The following FGF12 variants were observed in gnomAD, a reference collection of about 807,000 sequenced individuals.
FGF12 encodes the protein fibroblast growth factor 12.
In FGF12, 14 loss-of-function variants were observed where a neutral mutation model predicts 23.6. The ratio of observed to expected loss-of-function variants is 0.59; its 90% confidence interval spans 0.39 to 0.93. FGF12 has a LOEUF of 0.93. Ranked by LOEUF, FGF12 falls within the 40% of genes least tolerant of loss-of-function variation. The pLI, the probability that FGF12 is intolerant of heterozygous loss-of-function variation, is 0.00. For missense variants in FGF12, 175 were observed against 217.8 expected (o/e 0.80, Z 1.24); for synonymous variants, 62 against 77.3 (o/e 0.80, Z 1.04).
chr3:192,599,241 C>T (rs1182927367), intron 2 of FGF12, among the ~76,000 whole-genome samples: 1 of 103,476 alleles, frequency 9.7e-6, no homozygotes, highest in African/African-American at 4.8e-5. Context: ...CACACGTACC[C>T]CAGAACTTGA....
chr3:192,352,744 T>C (rs1323022175), intron 3 of FGF12, among the ~76,000 whole-genome samples: 1 of 152,224 alleles, frequency 6.6e-6, no homozygotes, highest in Non-Finnish European at 1.5e-5. Context: ...CCCTATGATC[T>C]AAATATTATT....
rs548990765 is a variant in FGF12, at chr3:192,368,050, G to A, written c.14-7512C>T. On this transcript the variant is annotated intron_variant, in intron 2 of 5. Coordinates refer to ENST00000445105, the MANE Select transcript of FGF12 (RefSeq NM_004113.6). ...GCCTTTGTGACAGTTATTCTTCTGG[G>A]CAAAAGGGATAATCGGTGCATGCTA... Among the ~76,000 whole-genome samples, 8 of 152,090 alleles carry A rather than the reference G, an allele frequency of 5.3e-5. No homozygotes were observed. In the South Asian group the frequency reaches 1.7e-3, roughly 32 times the overall value.
intron 5 of FGF12, among the ~76,000 whole-genome samples, chr3:192,162,242 A>G (rs1347952542): frequency 6.6e-6 from 1 of 152,100 alleles, no homozygotes; most frequent in Non-Finnish European, 1.5e-5. Context: ...AATTAATGTT[A>G]CATGGGATCC....
At chr3:192,364,293 T>C (rs1574091) in intron 2 of FGF12, among the ~76,000 whole-genome samples, 45,808 of 152,080 alleles carry the variant, frequency 0.3, 8,376 homozygotes, top group East Asian at 0.63. Flanking sequence ...ATGAAGCTAA[T>C]ATTTTCCAGT....
chr3:192,257,573 T>C (rs757241253), intron 4 of FGF12, among the ~76,000 whole-genome samples: 4 of 152,188 alleles, frequency 2.6e-5, no homozygotes, highest in Admixed American at 6.6e-5. Context: ...CTTCCACTTA[T>C]GGTGCAGTGG....
At chr3:192,234,591 G>C (rs565548571) in intron 4 of FGF12, among the ~76,000 whole-genome samples, 1 of 152,262 alleles carries the variant, frequency 6.6e-6, no homozygotes, top group East Asian at 1.9e-4. Context: ...GGAGTGGTGA[G>C]AGTGGGCATC....
At chr3:192,235,885 C>A (rs1719268907) in intron 4 of FGF12, among the ~76,000 whole-genome samples, 1 of 151,984 alleles carries the variant, frequency 6.6e-6, no homozygotes, top group African/African-American at 2.4e-5. Flanking sequence ...TTGGATATTT[C>A]TTTTCTTCTG....
intron 4 of FGF12, among the ~76,000 whole-genome samples, chr3:192,195,086 C>A (rs1379919775): frequency 6.6e-6 from 1 of 152,192 alleles, no homozygotes; most frequent in African/African-American, 2.4e-5. Context: ...ATTGGCAGTC[C>A]TATACGTAGC....
intron 2 of FGF12, among the ~76,000 whole-genome samples, chr3:192,433,293 T>C (rs1180936498): frequency 6.6e-6 from 1 of 152,210 alleles, no homozygotes; most frequent in Non-Finnish European, 1.5e-5. Flanking sequence ...CAAAGTGTCT[T>C]CTTTCACCTC....
chr3:192,662,956 A>T (rs1455666970), intron 2 of FGF12, among the ~76,000 whole-genome samples: 1 of 152,244 alleles, frequency 6.6e-6, no homozygotes, highest in Non-Finnish European at 1.5e-5. Flanking sequence ...AAATAGCTAC[A>T]GTAGAGGCAA....
At chr3:192,549,428 T>C (rs1474362022) in intron 2 of FGF12, among the ~76,000 whole-genome samples, 1 of 152,140 alleles carries the variant, frequency 6.6e-6, no homozygotes, top group Non-Finnish European at 1.5e-5. Flanking sequence ...TTATTATTCA[T>C]GACAGAATAA....
rs560540787 is a variant in FGF12 at position 192,480,248 on chromosome 3, C to G, written c.14-119710G>C. 1.7e-3 allele frequency among the ~76,000 whole-genome samples: 266 copies of G among 152,230 alleles called. 2 individuals carry two copies. The highest frequency in any genetic ancestry group is 6.2e-3 in the African/African-American group (258 of 41,558). Reference sequence around the variant, plus strand: ...TAATCGTAAGACTTCGCAAAGGAACCTTACCATTCTTCTCACCCTTGCCAA... The same window carrying G: ...TAATCGTAAGACTTCGCAAAGGAACGTTACCATTCTTCTCACCCTTGCCAA... On this transcript the variant is annotated intron_variant, in intron 2 of 5. Coordinates refer to ENST00000445105, the MANE Select transcript of FGF12 (RefSeq NM_004113.6).
At chr3:192,169,928 C>T (rs1346748090) in intron 5 of FGF12, among the ~76,000 whole-genome samples, 5 of 149,392 alleles carry the variant, frequency 3.3e-5, no homozygotes, top group Non-Finnish European at 7.4e-5. Context: ...TATAGGCTCA[C>T]CTGAGAAGGA....
chr3:192,333,575 A>T (rs1173718682), intron 4 of FGF12, among the ~76,000 whole-genome samples: 1 of 152,118 alleles, frequency 6.6e-6, no homozygotes, highest in Non-Finnish European at 1.5e-5. Context: ...GTATATGTAC[A>T]CATATAGCAT....
At chr3:192,639,109 AAAC>A (rs945813309) in intron 2 of FGF12, among the ~76,000 whole-genome samples, 15 of 152,228 alleles carry the variant, frequency 9.9e-5, no homozygotes, top group African/African-American at 3.4e-4. Flanking sequence ...AATAGTAGAA[AAAC>A]AAATAACCTG....
chr3:192,359,783 AT>A, intron 3 of FGF12, among the ~76,000 whole-genome samples: 1 of 150,832 alleles, frequency 6.6e-6, no homozygotes, highest in East Asian at 1.9e-4. Flanking sequence ...AATGCCCAGC[AT>A]TTTTATTTCC....
intron 4 of FGF12, among the ~76,000 whole-genome samples, chr3:192,282,509 G>A (rs971834603): frequency 6.6e-6 from 1 of 152,080 alleles, no homozygotes; most frequent in Admixed American, 6.6e-5. Flanking sequence ...GAGTGGCTAA[G>A]TGTACTATGT....
intron 4 of FGF12, among the ~76,000 whole-genome samples, chr3:192,237,102 G>C (rs1560204014): frequency 6.6e-6 from 1 of 152,112 alleles, no homozygotes; most frequent in Admixed American, 6.6e-5. Flanking sequence ...AGTTTGGTTT[G>C]TCTGAATATG....
At chr3:192,678,495 C>T (rs1345761228) in intron 2 of FGF12, among the ~76,000 whole-genome samples, 2 of 152,166 alleles carry the variant, frequency 1.3e-5, no homozygotes, top group Non-Finnish European at 2.9e-5. Context: ...GACTCAAACT[C>T]GTTCATGTCC....
Sources: gnomAD v4.1 joint callset for allele counts (sites outside exome capture counted in the v4.1 genomes callset) on GRCh38, gnomAD v4.1.1 for gene constraint, MANE v1.5 for transcripts, NCBI Gene and HGNC (gene_info 2026-07-23, HGNC 2026-07-21) for gene names.